The following P2RX5 variants were observed in gnomAD, a reference collection of about 807,000 sequenced individuals.
P2RX5 encodes the protein P2X purinoceptor 5.
Under a neutral mutation model 54.1 loss-of-function variants are expected in P2RX5, and 46 were observed. The ratio of observed to expected loss-of-function variants is 0.85; its 90% confidence interval spans 0.67 to 1.09. P2RX5 has a LOEUF of 1.09. P2RX5 is among the 50% of genes least tolerant of loss of function. The probability of loss-of-function intolerance (pLI) is 0.00; values close to 1 mark genes in which losing one functional copy is unlikely to be tolerated. For synonymous variants in P2RX5, 226 were observed against 226.4 expected (o/e 1.00, Z 0.02); for missense variants, 566 against 549.8 (o/e 1.03, Z -0.29).
intron 9 of P2RX5, among the ~76,000 whole-genome samples, chr17:3,685,018 G>C (rs2050400001): frequency 6.6e-6 from 1 of 151,994 alleles, no homozygotes; most frequent in African/African-American, 2.4e-5. Flanking sequence ...GCTAATTTTT[G>C]TATTTTTAGT....
chr17:3,721,441 T>C, the P2RX5 span, among the ~76,000 whole-genome samples: 1 of 151,030 alleles, frequency 6.6e-6, no homozygotes, highest in Non-Finnish European at 1.5e-5. Flanking sequence ...GTGGCTAATT[T>C]ATGTATTTAT....
chr17:3,685,448 T>TC (rs955262330), intron 9 of P2RX5: 2 of 154,042 alleles, frequency 1.3e-5, no homozygotes. Flanking sequence ...AACAGCAGCC[T>TC]CCCCCTCCCT....
intron 11 of P2RX5, chr17:3,676,710 GGCGGGGGA>G (rs2142994853): frequency 4.2e-6 from 1 of 239,444 alleles, no homozygotes; most frequent in East Asian, 1.9e-4. Flanking sequence ...TTGGGTGGGG[GGCGGGGGA>G]GCTGGGACCT....
At chr17:3,714,711 T>A in the P2RX5 span, 1 of 563,392 alleles carries the variant, frequency 1.8e-6, no homozygotes. Context: ...TTTGGGACAA[T>A]GTATGGTTAA....
At chr17:3,694,103 G>A (rs1163739598) in intron 1 of P2RX5, among the ~76,000 whole-genome samples, 1 of 151,830 alleles carries the variant, frequency 6.6e-6, no homozygotes, top group Non-Finnish European at 1.5e-5. Flanking sequence ...ATCAGCTGAT[G>A]AATGCATGAC....
At position 3,681,895 on chromosome 17, in the gene P2RX5, C is replaced by T. The variant is rs1438826362; in HGVS notation, c.1064+1G>A. On this transcript the variant is annotated splice_donor_variant, in intron 10 of 11. Coordinates refer to ENST00000225328, the MANE Select transcript of P2RX5 (RefSeq NM_002561.4). LOFTEE classifies it high-confidence loss of function. The stretch of plus-strand genomic sequence containing the variant: ...GCCGCCGGCCTGGAAGCGGAACTGA[C>T]CTCACTTCCTCGTACTTCTTGTCAC... 1 of 1,605,656 alleles carries T rather than the reference C, an allele frequency of 6.2e-7. No individual in the cohort carries two copies. The highest frequency in any genetic ancestry group is 8.5e-7 in the Non-Finnish European group (1 of 1,172,308).
the P2RX5 span, among the ~76,000 whole-genome samples, chr17:3,711,259 G>A: frequency 6.6e-6 from 1 of 151,862 alleles, no homozygotes; most frequent in Non-Finnish European, 1.5e-5. Context: ...ACTTTGGAGG[G>A]ATGAAACCAA....
At chr17:3,677,672 C>A in intron 11 of P2RX5, 2 of 985,318 alleles carry the variant, frequency 2.0e-6, no homozygotes, top group South Asian at 4.7e-5. Flanking sequence ...TACACGCGGG[C>A]CCCTCTCCCT....
At chr17:3,719,235 C>CAAA in the P2RX5 span, among the ~76,000 whole-genome samples, 148 of 66,144 alleles carry the variant, frequency 2.2e-3, no homozygotes, top group African/African-American at 5.7e-3. Flanking sequence ...GATTCTTCCT[C>CAAA]AAAAAAAAAA....
chr17:3,719,234 T>TAAAAAAAAAAAAAAAAAAAAA, the P2RX5 span, among the ~76,000 whole-genome samples: 7 of 34,810 alleles, frequency 2.0e-4, no homozygotes, highest in African/African-American at 7.3e-4. Context: ...AGATTCTTCC[T>TAAAAAAAAAAAAAAAAAAAAA]CAAAAAAAAA....
intron 1 of P2RX5, 138 bp downstream of exon 1, chr17:3,695,731 G>T: frequency 2.0e-6 from 2 of 1,016,224 alleles, no homozygotes; most frequent in Non-Finnish European, 3.0e-6. Context: ...GACCCCCACA[G>T]CAAGCAGGCT....
At chr17:3,706,101 C>T in the P2RX5 span, among the ~76,000 whole-genome samples, 8 of 152,108 alleles carry the variant, frequency 5.3e-5, no homozygotes, top group East Asian at 3.9e-4. Context: ...ACTACAGGCG[C>T]GCACCACCAC....
the P2RX5 span, among the ~76,000 whole-genome samples, chr17:3,710,811 C>T: frequency 6.6e-6 from 1 of 151,956 alleles, no homozygotes; most frequent in African/African-American, 2.4e-5. Context: ...ACCTGCAGTC[C>T]CAGCTAATTA....
At chr17:3,720,831 C>T in the P2RX5 span, among the ~76,000 whole-genome samples, 1 of 152,150 alleles carries the variant, frequency 6.6e-6, no homozygotes, top group Non-Finnish European at 1.5e-5. Flanking sequence ...GATCTACCCA[C>T]CTCGGCCTCC....
Position 3,688,004 on chromosome 17 carries a change from A to G in P2RX5, c.981+8T>C. 2 of 1,366,148 alleles carry G rather than the reference A, an allele frequency of 1.5e-6. No individual in the cohort carries two copies. The highest frequency in any genetic ancestry group is 2.0e-6 in the Non-Finnish European group (2 of 985,694). 84.6% of individuals were successfully genotyped at this position (1,366,148 alleles called of 1,614,324 possible). A position where few individuals can be genotyped will look rare whatever the true frequency, so the allele number is the denominator to read the frequency against. On this transcript the variant is annotated splice_region_variant and intron_variant, in intron 9 of 11. Transcript: ENST00000225328. ...GCCCAGCCTCAGAACAGGAGAAGGC[A>G]CACGCACCTTGCCGTTCACCATCAC...
chr17:3,707,517 T>C, the P2RX5 span, among the ~76,000 whole-genome samples: 1 of 152,006 alleles, frequency 6.6e-6, no homozygotes, highest in African/African-American at 2.4e-5. Flanking sequence ...GCCAGTGGTG[T>C]TTTCTCTCAT....
At chr17:3,717,642 AGGTCAGG>A in the P2RX5 span, 1 of 152,154 alleles carries the variant, frequency 6.6e-6, no homozygotes, top group Non-Finnish European at 1.5e-5. Context: ...TTAAGCACCA[AGGTCAGG>A]GGTGCTTTGG....
At chr17:3,691,837 G>T in intron 1 of P2RX5, 43 bp from the exon 2 acceptor site, 1 of 1,611,752 alleles carries the variant, frequency 6.2e-7, no homozygotes, top group East Asian at 2.2e-5. Flanking sequence ...CCACTCTGCT[G>T]GCTTCGGGGA....
chr17:3,691,613 C>T, intron 2 of P2RX5, 31 bp downstream of exon 2: 2 of 1,613,948 alleles, frequency 1.2e-6, no homozygotes, highest in African/African-American at 1.3e-5. Context: ...TCCCTGCCAG[C>T]CTTGGCCGTG....
Sources: gnomAD v4.1 joint callset for allele counts (sites outside exome capture counted in the v4.1 genomes callset) on GRCh38, gnomAD v4.1.1 for gene constraint, MANE v1.5 for transcripts, NCBI Gene and HGNC (gene_info 2026-07-23, HGNC 2026-07-21) for gene names.